Variants in WDR48 observed in about 807,000 individuals in gnomAD.
WDR48 encodes the protein WD repeat-containing protein 48.
WDR48 carries 22 observed loss-of-function variants against 94.0 expected under a neutral mutation model. The ratio of observed to expected loss-of-function variants is 0.23; its 90% CI spans 0.17 to 0.33. The LOEUF (loss-of-function observed/expected upper bound fraction) is 0.33, where lower values mean the gene tolerates loss of function less well. Among genes scored for constraint, WDR48 ranks in the 10% least tolerant of loss-of-function variants. The probability of loss-of-function intolerance (pLI) is 1.00; values close to 1 mark genes in which losing one functional copy is unlikely to be tolerated. For missense variants in WDR48, 541 were observed against 813.8 expected (o/e 0.66, Z 4.08); for synonymous variants, 278 against 280.5 (o/e 0.99, Z 0.09).
intron 12 of WDR48, 51 bp downstream of exon 12, chr3:39,084,313 T>C (rs990630061): frequency 2.3e-6 from 3 of 1,330,616 alleles, no homozygotes; most frequent in Middle Eastern, 2.0e-4. Flanking sequence ...AAGATTTTCA[T>C]TATAGCTTAT....
chr3:39,089,562 A>G (rs1056568167), intron 16 of WDR48: 1 of 259,934 alleles, frequency 3.8e-6, no homozygotes, highest in Non-Finnish European at 7.2e-6. Context: ...AAATGAATGA[A>G]GCTCTCATCT....
intron 6 of WDR48, among the ~76,000 whole-genome samples, chr3:39,069,153 G>A (rs186425685): frequency 6.6e-6 from 1 of 152,068 alleles, no homozygotes; most frequent in East Asian, 1.9e-4. Context: ...GCTAATTTTT[G>A]TATATTTTTA....
At chr3:39,091,293 CT>C (rs895596149) in intron 16 of WDR48, 1 of 169,304 alleles carries the variant, frequency 5.9e-6, no homozygotes, top group African/African-American at 2.4e-5. Flanking sequence ...TTGTTTGGGC[CT>C]TTAGGTATCA....
At chr3:39,068,199 C>G (rs188254452) in intron 5 of WDR48, among the ~76,000 whole-genome samples, 2 of 152,090 alleles carry the variant, frequency 1.3e-5, no homozygotes, top group Admixed American at 1.3e-4. Flanking sequence ...CTCATTTACT[C>G]AACTTTTTAA....
At chr3:39,067,223 G>T (rs1322608867) in intron 5 of WDR48, among the ~76,000 whole-genome samples, 1 of 152,178 alleles carries the variant, frequency 6.6e-6, no homozygotes, top group Non-Finnish European at 1.5e-5. Context: ...CACTCAGCAG[G>T]TATTATTGAA....
chr3:39,074,242 A>T (rs1353219503), intron 7 of WDR48, among the ~76,000 whole-genome samples: 2 of 152,228 alleles, frequency 1.3e-5, no homozygotes, highest in African/African-American at 4.8e-5. Flanking sequence ...GGCCAGGTAG[A>T]GAGGACAAAG....
chr3:39,067,039 AAG>A (rs1259182575), intron 5 of WDR48, among the ~76,000 whole-genome samples, 164 bp downstream of exon 5: 1 of 152,240 alleles, frequency 6.6e-6, no homozygotes, highest in Non-Finnish European at 1.5e-5. Flanking sequence ...TTGAACAACA[AAG>A]AGCTAGTTCC....
At chr3:39,088,285 A>G in intron 15 of WDR48, 52 bp downstream of exon 15, 10 of 1,551,304 alleles carry the variant, frequency 6.4e-6, no homozygotes, top group Non-Finnish European at 8.0e-6. Flanking sequence ...CCCATTTGCT[A>G]AGAAGTGTCG....
At chr3:39,086,730 G>C (rs1300303173) in intron 14 of WDR48, among the ~76,000 whole-genome samples, 1 of 152,192 alleles carries the variant, frequency 6.6e-6, no homozygotes. Context: ...GATACTCTCA[G>C]CCACCCAAAT....
At position 39,095,073 on chromosome 3, in the gene WDR48, A is replaced by C; in HGVS notation, c.*330A>C. 1 of 313,522 alleles carries C rather than the reference A, an allele frequency of 3.2e-6. No homozygotes were observed. Among genetic ancestry groups the C allele is most frequent in the Non-Finnish European group, 5.9e-6 (1 of 168,748 alleles). The allele number at this position is 313,522 out of a possible 1,614,324, so 19.4% of individuals were successfully genotyped here. On this transcript the variant is annotated 3_prime_UTR_variant, in exon 19 of 19. Coordinates refer to ENST00000302313, the MANE Select transcript of WDR48 (RefSeq NM_020839.4). Reference sequence around the variant, plus strand: ...TTTCAAAGGACCTTATCTACCCATTAACACTTGTTAGAGACACCTCAGTCG... The same window carrying C: ...TTTCAAAGGACCTTATCTACCCATTCACACTTGTTAGAGACACCTCAGTCG...
At chr3:39,054,195 A>T (rs562575537) in intron 1 of WDR48, among the ~76,000 whole-genome samples, 2 of 152,352 alleles carry the variant, frequency 1.3e-5, no homozygotes, top group Non-Finnish European at 2.9e-5. Context: ...AACATAAATT[A>T]GAGTTGCCCT....
intron 10 of WDR48, among the ~76,000 whole-genome samples, chr3:39,078,946 C>A (rs572983850): frequency 6.7e-6 from 1 of 149,424 alleles, no homozygotes; most frequent in African/African-American, 2.5e-5. Context: ...AGGAGAATGG[C>A]GTGAACCCGG....
intron 7 of WDR48, among the ~76,000 whole-genome samples, chr3:39,070,487 C>A (rs2033862990): frequency 6.6e-6 from 1 of 152,068 alleles, no homozygotes; most frequent in African/African-American, 2.4e-5. Flanking sequence ...GTTTCTTTTC[C>A]TGTGGAAGTT....
At chr3:39,072,102 A>G (rs1237673902) in intron 7 of WDR48, among the ~76,000 whole-genome samples, 2 of 152,210 alleles carry the variant, frequency 1.3e-5, no homozygotes, top group Non-Finnish European at 2.9e-5. Flanking sequence ...TACATATCTT[A>G]TAGGCCAATG....
chr3:39,067,918 T>C (rs1426524175), intron 5 of WDR48, among the ~76,000 whole-genome samples: 3 of 151,904 alleles, frequency 2.0e-5, no homozygotes, highest in African/African-American at 2.4e-5. Flanking sequence ...GGGGCTGTCA[T>C]GGTACATCAT....
At chr3:39,076,770 A>G (rs899084016) in intron 8 of WDR48, among the ~76,000 whole-genome samples, 2 of 152,208 alleles carry the variant, frequency 1.3e-5, no homozygotes, top group African/African-American at 4.8e-5. Flanking sequence ...GACATTTTCA[A>G]AGTAAAAAGA....
chr3:39,093,441 G>A (rs1045864639), intron 17 of WDR48, among the ~76,000 whole-genome samples: 4 of 152,130 alleles, frequency 2.6e-5, no homozygotes, highest in Non-Finnish European at 4.4e-5. Context: ...TTGGCTCACT[G>A]CAGCCTCTGC....
chr3:39,084,985 T>C lies in WDR48; in HGVS notation c.1378+244T>C, dbSNP rs534586510. Among the ~76,000 whole-genome samples the C allele has an allele frequency of 3.9e-4, 60 of 152,326 alleles. 1 individual carries two copies. The highest frequency in any genetic ancestry group is 3.8e-3 in the Admixed American group (58 of 15,300). ...GCTCACACCTGTAATCTCAGCACTT[T>C]GGGAGGCCGAGGCGGGTGGATCACG... On this transcript the variant is annotated intron_variant, in intron 13 of 18. Coordinates refer to ENST00000302313, the MANE Select transcript of WDR48 (RefSeq NM_020839.4).
chr3:39,093,316 T>C (rs375947314), intron 17 of WDR48, among the ~76,000 whole-genome samples: 1 of 152,214 alleles, frequency 6.6e-6, no homozygotes, highest in Non-Finnish European at 1.5e-5. Context: ...TCTGGGAAAG[T>C]ATTCAAGGGA....
Sources: allele counts gnomAD v4.1 joint callset (sites outside exome capture counted in the v4.1 genomes callset), GRCh38; gene constraint gnomAD v4.1.1; transcripts MANE v1.5; gene names NCBI Gene and HGNC (gene_info 2026-07-23, HGNC 2026-07-21).